The following PSD3 variants were observed in gnomAD, a reference collection of about 807,000 sequenced individuals.
PSD3 encodes PH and SEC7 domain-containing protein 3.
In PSD3, 49 loss-of-function variants were observed where a neutral mutation model predicts 105.5. That is an observed-to-expected ratio of 0.46 (90% CI 0.37 to 0.59). PSD3 has a LOEUF of 0.59. Among genes scored for constraint, PSD3 ranks in the 20% least tolerant of loss-of-function variants. The probability of loss-of-function intolerance (pLI) is 0.00; values close to 1 mark genes in which losing one functional copy is unlikely to be tolerated. For synonymous variants in PSD3, 557 were observed against 457.8 expected (o/e 1.22, Z -2.77); for missense variants, 1,561 against 1,263.8 (o/e 1.24, Z -3.57).
chr8:18,847,247 C>G (rs1815169620), intron 4 of PSD3, among the ~76,000 whole-genome samples: 1 of 152,182 alleles, frequency 6.6e-6, no homozygotes, highest in African/African-American at 2.4e-5. Context: ...TGTCCTGGTG[C>G]TTCCCTTCCT....
intron 12 of PSD3, among the ~76,000 whole-genome samples, chr8:18,583,267 C>T (rs917535738): frequency 3.9e-5 from 6 of 152,066 alleles, no homozygotes; most frequent in Admixed American, 1.3e-4. Flanking sequence ...AGTGAGATCC[C>T]GTTTCTACAA....
intron 2 of PSD3, among the ~76,000 whole-genome samples, chr8:18,927,676 C>T (rs1434739044): frequency 3.3e-5 from 5 of 152,196 alleles, no homozygotes; most frequent in Non-Finnish European, 7.3e-5. Context: ...TTTCCCTGAA[C>T]ACACGTAGGA....
chr8:18,728,838 T>C (rs1281932430), intron 9 of PSD3, among the ~76,000 whole-genome samples: 1 of 151,890 alleles, frequency 6.6e-6, no homozygotes, highest in African/African-American at 2.4e-5. Context: ...AAAAAAAAGC[T>C]ATGAAAATGA....
chr8:18,540,523 C>A (rs748813658), intron 15 of PSD3, among the ~76,000 whole-genome samples: 16 of 152,160 alleles, frequency 1.1e-4, no homozygotes, highest in Non-Finnish European at 2.1e-4. Flanking sequence ...TGCTCCTTCA[C>A]TCTTCTTTTT....
At chr8:18,661,827 T>C (rs1809371088) in intron 9 of PSD3, among the ~76,000 whole-genome samples, 1 of 152,188 alleles carries the variant, frequency 6.6e-6, no homozygotes, top group South Asian at 2.1e-4. Context: ...GATGAGTTTC[T>C]GGAAATGGAT....
At chr8:18,930,407 T>C (rs1311740619) in intron 2 of PSD3, among the ~76,000 whole-genome samples, 1 of 152,176 alleles carries the variant, frequency 6.6e-6, no homozygotes, top group African/African-American at 2.4e-5. Flanking sequence ...TAATTCCTAA[T>C]CTGCTTAATT....
At chr8:18,594,202 T>TATATA (rs1803857150) in intron 12 of PSD3, among the ~76,000 whole-genome samples, 1 of 16,246 alleles carries the variant, frequency 6.2e-5, no homozygotes, top group African/African-American at 1.6e-4. Flanking sequence ...ATACATATTA[T>TATATA]ATAATATATA....
intron 8 of PSD3, among the ~76,000 whole-genome samples, chr8:18,787,713 G>C (rs896886296): frequency 6.6e-6 from 1 of 152,090 alleles, no homozygotes; most frequent in East Asian, 1.9e-4. Flanking sequence ...ATGATAAAAA[G>C]ATGTTTTCTC....
At chr8:18,617,697 G>T (rs1277285301) in intron 11 of PSD3, among the ~76,000 whole-genome samples, 1 of 152,110 alleles carries the variant, frequency 6.6e-6, no homozygotes, top group Non-Finnish European at 1.5e-5. Flanking sequence ...TGTTGGACAT[G>T]CCTCATTATG....
chr8:19,040,609 A>C (rs975900118), intron 1 of PSD3, among the ~76,000 whole-genome samples: 6 of 152,226 alleles, frequency 3.9e-5, no homozygotes, highest in Non-Finnish European at 7.3e-5. Flanking sequence ...CCTGTGGAGA[A>C]TAAAGCACGG....
intron 2 of PSD3, among the ~76,000 whole-genome samples, chr8:18,901,442 C>T (rs1021738785): frequency 2.0e-5 from 3 of 152,174 alleles, no homozygotes; most frequent in East Asian, 1.9e-4. Flanking sequence ...TATTGATAGG[C>T]GAGAACACAC....
chr8:18,818,001 T>C (rs1442172816), intron 4 of PSD3, among the ~76,000 whole-genome samples: 1 of 152,262 alleles, frequency 6.6e-6, no homozygotes, highest in Non-Finnish European at 1.5e-5. Context: ...TCGCCCAGGC[T>C]GGAGTGCAGT....
intron 11 of PSD3, among the ~76,000 whole-genome samples, chr8:18,615,008 AAGTT>A (rs1805551565): frequency 6.6e-6 from 1 of 152,160 alleles, no homozygotes; most frequent in Non-Finnish European, 1.5e-5. Flanking sequence ...TCACTTCAAA[AAGTT>A]AGGCATAACA....
At chr8:18,557,239 T>A (rs2717726) in intron 14 of PSD3, among the ~76,000 whole-genome samples, 40,818 of 152,078 alleles carry the variant, frequency 0.27, 5,585 homozygotes, top group East Asian at 0.38. Context: ...TACAATAAGA[T>A]AAATGGGTAA....
At chr8:19,060,324 T>C (rs1250919989) in intron 1 of PSD3, among the ~76,000 whole-genome samples, 2 of 152,338 alleles carry the variant, frequency 1.3e-5, no homozygotes, top group African/African-American at 4.8e-5. Flanking sequence ...TACCTCCTAT[T>C]TACCAATATA....
chr8:19,017,202 A>C (rs1265703998), upstream of PSD3, among the ~76,000 whole-genome samples: 1 of 151,730 alleles, frequency 6.6e-6, no homozygotes, highest in Non-Finnish European at 1.5e-5. Context: ...ACAGGCACAC[A>C]CCACCAGACC....
At chr8:18,808,479 G>C (rs1022148396) in intron 4 of PSD3, among the ~76,000 whole-genome samples, 30 of 152,010 alleles carry the variant, frequency 2.0e-4, no homozygotes, top group African/African-American at 7.0e-4. Context: ...CTCCATATTT[G>C]CCCCTTTTCT....
chr8:18,903,756 G>A lies in PSD3; in HGVS notation c.131-31023C>T, dbSNP rs146055484. Among the ~76,000 whole-genome samples the A allele has an allele frequency of 1.7e-3, 258 of 152,260 alleles. 1 individual carries two copies. The highest frequency in any genetic ancestry group is 5.9e-3 in the African/African-American group (246 of 41,546). On this transcript the variant is annotated intron_variant, in intron 2 of 15. Transcript: ENST00000327040. Reference sequence around the variant, plus strand: ...CAGGCACAGTTTCCCTAGGATGCAGGCTGCTGCTTCAGCTTAGGTACTAGG... The same window carrying A: ...CAGGCACAGTTTCCCTAGGATGCAGACTGCTGCTTCAGCTTAGGTACTAGG...
At chr8:18,701,273 T>C (rs940060103) in intron 9 of PSD3, among the ~76,000 whole-genome samples, 7 of 152,076 alleles carry the variant, frequency 4.6e-5, no homozygotes, top group Admixed American at 6.6e-5. Flanking sequence ...ACTGGCCACA[T>C]GAAACATTTT....
Sources: allele counts gnomAD v4.1 joint callset (sites outside exome capture counted in the v4.1 genomes callset), GRCh38; gene constraint gnomAD v4.1.1; transcripts MANE v1.5; gene names NCBI Gene and HGNC (gene_info 2026-07-23, HGNC 2026-07-21).